PCDH15: variants seen among roughly 807,000 people sequenced by gnomAD.
PCDH15 encodes the protein protocadherin related 15.
A neutral mutation model predicts 178.5 loss-of-function variants in PCDH15; 129 were observed. The observed-to-expected ratio is 0.72, with a 90% CI of 0.63 to 0.84. PCDH15 has a LOEUF of 0.84. Among genes scored for constraint, PCDH15 ranks in the 40% least tolerant of loss-of-function variants. The probability of loss-of-function intolerance (pLI) is 0.00; values close to 1 mark genes in which losing one functional copy is unlikely to be tolerated. For missense variants in PCDH15, 2,230 were observed against 2,099.9 expected (o/e 1.06, Z -1.21); for synonymous variants, 800 against 732.0 (o/e 1.09, Z -1.50).
In PCDH15 at chr10:54,194,693, T is replaced by TCTATCTATCTA. The variant is rs1554833338; in HGVS notation, c.1305+989_1305+990insTAGATAGATAG. Reference sequence around the variant, plus strand: ...CTATCTATCTATCTATCTATCTATATCTGTATGTGTATGTATACCTGTGTA... The same window carrying TCTATCTATCTA: ...CTATCTATCTATCTATCTATCTATATCTATCTATCTACTGTATGTGTATGTATACCTGTGTA... On this transcript the variant is annotated intron_variant, in intron 11 of 37. Transcript: ENST00000644397. 1.7e-3 allele frequency among the ~76,000 whole-genome samples: 265 copies of TCTATCTATCTA among 151,538 alleles called. 1 individual carries two copies. Among genetic ancestry groups the TCTATCTATCTA allele is most frequent in the African/African-American group, 6.2e-3 (257 of 41,188 alleles).
chr10:54,964,616 T>A (rs181589946), intron 2 of PCDH15, among the ~76,000 whole-genome samples: 9 of 152,286 alleles, frequency 5.9e-5, no homozygotes, highest in Middle Eastern at 3.4e-3. Context: ...TTTCCATCTA[T>A]CACACTGTGA....
intron 1 of PCDH15, among the ~76,000 whole-genome samples, chr10:54,743,382 G>A (rs1340686027): frequency 6.6e-6 from 1 of 151,924 alleles, no homozygotes; most frequent in Non-Finnish European, 1.5e-5. Flanking sequence ...TCGTAAGTCA[G>A]CACTTCTCCT....
In PCDH15 at chr10:55,157,373, C is replaced by T. The variant is rs570896940; in HGVS notation, c.-80+9203G>A. 1.5e-4 allele frequency among the ~76,000 whole-genome samples: 22 copies of T among 148,234 alleles called. No individual in the cohort carries two copies. The East Asian group carries it at 4.2e-3, about 28-fold the overall frequency. ...CTGTTGGTGGGACTGTAAACTAGTT[C>T]AACCATTGTGGAAGACAGTGTGGCG... is the stretch of plus-strand genomic sequence containing the variant. On this transcript the variant is annotated intron_variant, in intron 2 of 5. Coordinates refer to the PCDH15 transcript ENST00000458638.
intron 10 of PCDH15, 78 bp from the exon 11 acceptor site, chr10:54,195,967 A>AT: frequency 7.8e-7 from 1 of 1,290,276 alleles, no homozygotes; most frequent in Admixed American, 1.9e-5. Flanking sequence ...TTCATGCAAT[A>AT]TATAGGGTTC....
intron 2 of PCDH15, among the ~76,000 whole-genome samples, chr10:55,027,686 G>A (rs973890208): frequency 1.3e-5 from 2 of 151,746 alleles, no homozygotes; most frequent in African/African-American, 2.4e-5. Context: ...ATAATATAGC[G>A]ATAGGACTCT....
chr10:54,971,438 C>A (rs1838928491), intron 2 of PCDH15, among the ~76,000 whole-genome samples: 1 of 152,086 alleles, frequency 6.6e-6, no homozygotes, highest in Non-Finnish European at 1.5e-5. Flanking sequence ...GGACAACAAG[C>A]CTGCTAGCAC....
chr10:55,029,549 A>G (rs534863952), intron 2 of PCDH15, among the ~76,000 whole-genome samples: 1 of 152,252 alleles, frequency 6.6e-6, no homozygotes, highest in African/African-American at 2.4e-5. Flanking sequence ...TAGGAGAGAC[A>G]GGAAAACTTT....
chr10:53,821,759 G>A (rs961344007), intron 32 of PCDH15: 10 of 1,559,910 alleles, frequency 6.4e-6, no homozygotes, highest in East Asian at 2.3e-5. Flanking sequence ...TTGAATTTGG[G>A]GTAAAATAAT....
chr10:54,317,976 A>T (rs2061382054), intron 7 of PCDH15, among the ~76,000 whole-genome samples: 1 of 152,208 alleles, frequency 6.6e-6, no homozygotes, highest in Non-Finnish European at 1.5e-5. Context: ...TTTACCTAAC[A>T]GTTCACATTA....
chr10:54,268,634 A>C (rs2057848838), intron 8 of PCDH15, among the ~76,000 whole-genome samples: 1 of 151,962 alleles, frequency 6.6e-6, no homozygotes, highest in Non-Finnish European at 1.5e-5. Context: ...CCTGGATGCC[A>C]TTATGCTAAG....
At chr10:54,261,665 C>CTT (rs2057328120) in intron 8 of PCDH15, among the ~76,000 whole-genome samples, 1 of 151,258 alleles carries the variant, frequency 6.6e-6, no homozygotes, top group African/African-American at 2.4e-5. Flanking sequence ...TCTTAACACA[C>CTT]ATATGCATAT....
intron 2 of PCDH15, among the ~76,000 whole-genome samples, chr10:55,156,799 A>G (rs1439401685): frequency 6.6e-6 from 1 of 152,094 alleles, no homozygotes; most frequent in Non-Finnish European, 1.5e-5. Context: ...TCAGAAATGG[A>G]TATGTTACAA....
At chr10:54,115,058 G>A (rs1223711370) in intron 15 of PCDH15, among the ~76,000 whole-genome samples, 2 of 152,288 alleles carry the variant, frequency 1.3e-5, no homozygotes, top group East Asian at 3.9e-4. Context: ...GTCCAGTAGG[G>A]AAGCTATTGC....
intron 15 of PCDH15, among the ~76,000 whole-genome samples, chr10:54,119,364 T>C (rs2095174336): frequency 6.6e-6 from 1 of 152,084 alleles, no homozygotes; most frequent in South Asian, 2.1e-4. Flanking sequence ...AAAGCTTTAT[T>C]AATAGACTGG....
intron 28 of PCDH15, 152 bp downstream of exon 28, chr10:53,857,023 G>T: frequency 1.6e-6 from 1 of 622,112 alleles, no homozygotes; most frequent in Middle Eastern, 4.7e-4. Context: ...TTGGGTGGTT[G>T]GCACACTCGA....
chr10:53,978,157 TG>T (rs370880192), intron 21 of PCDH15, among the ~76,000 whole-genome samples: 15 of 152,250 alleles, frequency 9.9e-5, no homozygotes, highest in African/African-American at 3.4e-4. Context: ...GGACTCTGTG[TG>T]GGGGCTCCCA....
chr10:53,808,489 G>C, intron 37 of PCDH15: 2 of 1,379,212 alleles, frequency 1.5e-6, no homozygotes, highest in Non-Finnish European at 1.9e-6. Context: ...GGAAGGATTA[G>C]TCAGTTTTAC....
intron 2 of PCDH15, among the ~76,000 whole-genome samples, chr10:55,547,910 T>TGTGAGAGAGGAGA: frequency 1.8e-5 from 1 of 54,530 alleles, no homozygotes; most frequent in East Asian, 5.5e-4. Flanking sequence ...TGTGTGTGTG[T>TGTGAGAGAGGAGA]GAGAGAGAGA....
intron 2 of PCDH15, among the ~76,000 whole-genome samples, chr10:54,579,822 G>A (rs2090869186): frequency 6.6e-6 from 1 of 151,922 alleles, no homozygotes; most frequent in African/African-American, 2.4e-5. Flanking sequence ...CCAATACTAA[G>A]AACATCTCCC....
Sources: gnomAD v4.1 joint callset for allele counts (sites outside exome capture counted in the v4.1 genomes callset) on GRCh38, gnomAD v4.1.1 for gene constraint, MANE v1.5 for transcripts, NCBI Gene and HGNC (gene_info 2026-07-23, HGNC 2026-07-21) for gene names.